Variants in DLG2 observed in about 807,000 individuals in gnomAD.
DLG2 encodes disks large homolog 2.
DLG2 carries 45 observed loss-of-function variants against 132.5 expected under a neutral mutation model. That is an observed-to-expected ratio of 0.34 (90% CI 0.27 to 0.44). The LOEUF is 0.44. Among genes scored for constraint, DLG2 ranks in the 20% least tolerant of loss-of-function variants. DLG2 has a pLI of 1.00. For synonymous variants in DLG2, 424 were observed against 419.6 expected (o/e 1.01, Z -0.13); for missense variants, 1,045 against 1,196.9 (o/e 0.87, Z 1.87).
intron 15 of DLG2, among the ~76,000 whole-genome samples, chr11:83,885,950 A>G (rs2154080051): frequency 6.6e-6 from 1 of 152,366 alleles, no homozygotes; most frequent in East Asian, 1.9e-4. Flanking sequence ...TGAAGGAAGC[A>G]CTAAACATGG....
chr11:85,210,826 G>A (rs556626566), intron 4 of DLG2, among the ~76,000 whole-genome samples: 26 of 152,064 alleles, frequency 1.7e-4, no homozygotes, highest in Non-Finnish European at 1.6e-4. Flanking sequence ...GCTACAATCT[G>A]AGATTCTTCT....
At chr11:84,835,236 A>C (rs1023082897) in intron 6 of DLG2, among the ~76,000 whole-genome samples, 1 of 151,666 alleles carries the variant, frequency 6.6e-6, no homozygotes, top group African/African-American at 2.4e-5. Context: ...AAATTTTTTT[A>C]ATCTCAGGAA....
chr11:85,064,390 T>TC (rs887381397), intron 6 of DLG2, among the ~76,000 whole-genome samples: 10 of 151,802 alleles, frequency 6.6e-5, no homozygotes, highest in African/African-American at 2.4e-4. Flanking sequence ...TCAGACCTAC[T>TC]CCTTGTTCTC....
intron 3 of DLG2, among the ~76,000 whole-genome samples, chr11:85,443,939 C>A (rs1405634941): frequency 6.6e-6 from 1 of 152,266 alleles, no homozygotes; most frequent in South Asian, 2.1e-4. Context: ...AAATGTACAA[C>A]CTCTTCCAGC....
At chr11:84,744,898 TAAAAAAAAAAAAA>T (rs758776805) in intron 6 of DLG2, among the ~76,000 whole-genome samples, 1 of 71,812 alleles carries the variant, frequency 1.4e-5, no homozygotes, top group South Asian at 4.5e-4. Context: ...AGTAAAGGTC[TAAAAAAAAAAAAA>T]AAAAAAAAGA....
At chr11:84,196,391 A>T (rs1241766131) in intron 8 of DLG2, among the ~76,000 whole-genome samples, 1 of 152,234 alleles carries the variant, frequency 6.6e-6, no homozygotes, top group African/African-American at 2.4e-5. Context: ...GGCAAGGAGA[A>T]CTGTGTGAGA....
intron 3 of DLG2, among the ~76,000 whole-genome samples, chr11:85,463,421 C>G (rs2092680552): frequency 6.6e-6 from 1 of 152,020 alleles, no homozygotes; most frequent in African/African-American, 2.4e-5. Context: ...GTTAGTACAC[C>G]ACACAAGAAG....
chr11:84,064,937 T>A (rs959956018), intron 10 of DLG2, among the ~76,000 whole-genome samples: 5 of 152,262 alleles, frequency 3.3e-5, no homozygotes, highest in African/African-American at 1.2e-4. Flanking sequence ...CATCTGATTT[T>A]CAACAACATT....
At chr11:85,565,284 T>C (rs2077469850) in intron 3 of DLG2, among the ~76,000 whole-genome samples, 1 of 152,082 alleles carries the variant, frequency 6.6e-6, no homozygotes, top group South Asian at 2.1e-4. Flanking sequence ...TATCCTTGTG[T>C]TAGGGGAAAA....
At chr11:84,010,376 T>C (rs1421811193) in intron 11 of DLG2, among the ~76,000 whole-genome samples, 1 of 151,948 alleles carries the variant, frequency 6.6e-6, no homozygotes, top group African/African-American at 2.4e-5. Context: ...CCCTGTAACC[T>C]TGAACTTCTG....
At chr11:85,262,699 T>C (rs2077005856) in intron 4 of DLG2, among the ~76,000 whole-genome samples, 1 of 152,186 alleles carries the variant, frequency 6.6e-6, no homozygotes, top group Admixed American at 6.5e-5. Flanking sequence ...ACATATAGCT[T>C]AGAAGGTACA....
intron 18 of DLG2, among the ~76,000 whole-genome samples, chr11:83,714,924 G>C (rs990326153): frequency 2.6e-5 from 4 of 152,046 alleles, no homozygotes; most frequent in Non-Finnish European, 2.9e-5. Context: ...TATACCCAAA[G>C]GATTATAAAT....
intron 9 of DLG2, among the ~76,000 whole-genome samples, chr11:84,103,815 G>A: frequency 6.6e-6 from 1 of 151,898 alleles, no homozygotes. Flanking sequence ...TCAAAATGGG[G>A]TTATATATAA....
chr11:85,404,568 A>T (rs1487663642), intron 3 of DLG2, among the ~76,000 whole-genome samples: 1 of 151,958 alleles, frequency 6.6e-6, no homozygotes, highest in East Asian at 1.9e-4. Context: ...ACTGTTGCAT[A>T]GCTGCTACAA....
At chr11:85,164,360 C>G (rs577249320) in intron 4 of DLG2, among the ~76,000 whole-genome samples, 1 of 152,186 alleles carries the variant, frequency 6.6e-6, no homozygotes, top group South Asian at 2.1e-4. Flanking sequence ...GTGGCATACC[C>G]TGGGCCCCAG....
intron 6 of DLG2, among the ~76,000 whole-genome samples, chr11:84,759,856 C>T (rs1189301613): frequency 6.6e-6 from 1 of 151,722 alleles, no homozygotes; most frequent in Non-Finnish European, 1.5e-5. Context: ...CATAGGGATC[C>T]TGGTATCTTT....
chr11:83,889,275 T>C (rs1318719782), intron 15 of DLG2, among the ~76,000 whole-genome samples: 28 of 151,190 alleles, frequency 1.9e-4, no homozygotes, highest in African/African-American at 6.6e-4. Flanking sequence ...AAACAAACAA[T>C]CCCATCAAAA....
chr11:84,080,631 T>C, intron 10 of DLG2, among the ~76,000 whole-genome samples: 1 of 152,326 alleles, frequency 6.6e-6, no homozygotes, highest in South Asian at 2.1e-4. Flanking sequence ...ATAATTTTAT[T>C]CAACATGCAG....
intron 19 of DLG2, among the ~76,000 whole-genome samples, chr11:83,603,418 C>T (rs1223102219): frequency 6.6e-6 from 1 of 152,030 alleles, no homozygotes; most frequent in Non-Finnish European, 1.5e-5. Flanking sequence ...CTCATACATC[C>T]ATCTTACATT....
Sources: gnomAD v4.1 joint callset for allele counts (sites outside exome capture counted in the v4.1 genomes callset) on GRCh38, gnomAD v4.1.1 for gene constraint, MANE v1.5 for transcripts, NCBI Gene and HGNC (gene_info 2026-07-23, HGNC 2026-07-21) for gene names.